MRTFA: variants seen among roughly 807,000 people sequenced by gnomAD.
The protein encoded by MRTFA is myocardin-related transcription factor A.
A neutral mutation model predicts 83.5 loss-of-function variants in MRTFA; 20 were observed. The observed-to-expected ratio is 0.24, with a 90% CI of 0.17 to 0.35. The LOEUF is 0.35. MRTFA is among the 10% of genes least tolerant of loss of function. MRTFA has a pLI of 1.00. For synonymous variants in MRTFA, 659 were observed against 541.2 expected (o/e 1.22, Z -3.02); for missense variants, 1,200 against 1,224.7 (o/e 0.98, Z 0.30).
chr22:40,461,964 T>A (rs957634795), intron 4 of MRTFA, among the ~76,000 whole-genome samples: 1 of 152,230 alleles, frequency 6.6e-6, no homozygotes, highest in South Asian at 2.1e-4. Context: ...CACCAACTTC[T>A]GGCCTGCACC....
intron 2 of MRTFA, among the ~76,000 whole-genome samples, chr22:40,560,785 A>T (rs2055602131): frequency 6.6e-6 from 1 of 152,092 alleles, no homozygotes; most frequent in Admixed American, 6.6e-5. Flanking sequence ...TGCTGGCCTG[A>T]TTATGCATCT....
rs182768714 is a variant in MRTFA, at chr22:40,456,023, C to T, written c.307+7198G>A. On this transcript the variant is annotated intron_variant, in intron 4 of 14. Transcript: ENST00000355630. ...TGTATTTTTAGTAGAGACTGGGTTT[C>T]GCCATGGTAACCAGGCTGGCCTCGG... Among the ~76,000 whole-genome samples, 12 of 152,054 alleles carry T rather than the reference C, an allele frequency of 7.9e-5. No homozygotes were observed. The East Asian group carries it at 1.9e-3, about 25-fold the overall frequency.
At chr22:40,470,184 A>G (rs1326749891) in intron 3 of MRTFA, among the ~76,000 whole-genome samples, 2 of 137,052 alleles carry the variant, frequency 1.5e-5, no homozygotes, top group African/African-American at 5.6e-5. Flanking sequence ...AGATTGTACC[A>G]CTGCATTCTA....
At chr22:40,511,492 C>T (rs2054667540) in intron 3 of MRTFA, among the ~76,000 whole-genome samples, 1 of 152,224 alleles carries the variant, frequency 6.6e-6, no homozygotes, top group African/African-American at 2.4e-5. Context: ...ACACGTATCA[C>T]ATGTGAATAC....
chr22:40,466,520 G>C (rs1283518022), intron 3 of MRTFA, among the ~76,000 whole-genome samples: 6 of 152,160 alleles, frequency 3.9e-5, no homozygotes, highest in South Asian at 2.1e-4. Context: ...AGAAAAAGGA[G>C]AGCCAAGCAG....
chr22:40,587,453 G>C, intron 2 of MRTFA: 1 of 343,076 alleles, frequency 2.9e-6, no homozygotes, highest in Non-Finnish European at 5.7e-6. Flanking sequence ...CATTTGCTGA[G>C]AGGCATAGCC....
chr22:40,449,612 AAAG>A (rs1469792830), intron 4 of MRTFA, among the ~76,000 whole-genome samples: 1 of 152,246 alleles, frequency 6.6e-6, no homozygotes, highest in African/African-American at 2.4e-5. Flanking sequence ...TAACAAAGGC[AAAG>A]AAGAGGTGAG....
chr22:40,417,630 G>A lies in MRTFA; in HGVS notation c.2365-137C>T, dbSNP rs574133587. ...GAAGATGGGAGGCACTGGCTTTTAG[G>A]GAGCTTTCATGAAAGCCACTAGGTA... On this transcript the variant is annotated intron_variant, in intron 12 of 14. Transcript: ENST00000355630. The A allele has an allele frequency of 2.4e-4, 157 of 655,510 alleles. No individual in the cohort carries two copies. The African/African-American group carries it at 2.8e-3, about 11-fold the overall frequency. 40.6% of individuals were successfully genotyped at this position (655,510 alleles called of 1,614,324 possible). A position where few individuals can be genotyped will look rare whatever the true frequency, so the allele number is the denominator to read the frequency against.
intron 2 of MRTFA, among the ~76,000 whole-genome samples, chr22:40,583,908 C>A (rs544358069): frequency 3.7e-4 from 56 of 152,278 alleles, no homozygotes; most frequent in Middle Eastern, 3.4e-3. Context: ...CAGAGCAGTT[C>A]ACAGAAAGTG....
intron 4 of MRTFA, among the ~76,000 whole-genome samples, chr22:40,452,220 G>A (rs1047525309): frequency 1.3e-5 from 2 of 151,976 alleles, no homozygotes; most frequent in African/African-American, 2.4e-5. Context: ...TGTTGACCTC[G>A]TGATCCACCT....
chr22:40,528,490 C>A (rs564838483), intron 3 of MRTFA, among the ~76,000 whole-genome samples: 109 of 152,204 alleles, frequency 7.2e-4, no homozygotes, highest in African/African-American at 2.6e-3. Context: ...GTAATCCCAG[C>A]ACTTTTGGAG....
chr22:40,498,822 C>T (rs1340170755), intron 3 of MRTFA, among the ~76,000 whole-genome samples: 1 of 152,160 alleles, frequency 6.6e-6, no homozygotes, highest in Non-Finnish European at 1.5e-5. Context: ...TAAATTTTAG[C>T]TCTTATCACC....
chr22:40,628,341 G>A (rs1459451326), intron 1 of MRTFA, among the ~76,000 whole-genome samples: 5 of 152,136 alleles, frequency 3.3e-5, no homozygotes, highest in Admixed American at 2.6e-4. Flanking sequence ...ATTTTACTCT[G>A]TCATATTATG....
At chr22:40,498,563 G>T (rs558920846) in intron 3 of MRTFA, among the ~76,000 whole-genome samples, 10 of 151,982 alleles carry the variant, frequency 6.6e-5, no homozygotes, top group African/African-American at 2.4e-4. Flanking sequence ...AAGATTATAA[G>T]CATGAGCCAC....
chr22:40,613,462 T>C (rs2056410599), intron 1 of MRTFA, among the ~76,000 whole-genome samples: 1 of 152,232 alleles, frequency 6.6e-6, no homozygotes, highest in Non-Finnish European at 1.5e-5. Flanking sequence ...GCAACAGGCC[T>C]GAACTACTGC....
intron 1 of MRTFA, among the ~76,000 whole-genome samples, chr22:40,629,001 GA>G (rs2056611230): frequency 6.6e-6 from 1 of 152,056 alleles, no homozygotes; most frequent in Non-Finnish European, 1.5e-5. Flanking sequence ...GTATTTTTAA[GA>G]ATTTTGGCCA....
At position 40,418,822 on chromosome 22, in the gene MRTFA, C is replaced by T. The variant is rs370664004; in HGVS notation, c.1916G>A (p.Arg639His). 161 of 1,610,208 alleles carry T rather than the reference C, an allele frequency of 1.0e-4. No individual in the cohort carries two copies. Among genetic ancestry groups the T allele is most frequent in the Admixed American group, 5.0e-4 (30 of 59,928 alleles). The change falls in exon 12 of 15, where the codon CGC (arginine) becomes CAC (histidine). Residue 639 changes from arginine (R) to histidine (H), a missense_variant. Arg to His is a conservative substitution (Grantham distance 29). Transcript: ENST00000355630. ...CAGCTGCTGCTTCTGCCGGAGCATG[C>T]GCGTCAGCGCCTCGATCTGCTTGTC...
At chr22:40,587,024 A>G (rs2056040858) in intron 2 of MRTFA, 1 of 477,788 alleles carries the variant, frequency 2.1e-6, no homozygotes. Context: ...TGGTCTTTGC[A>G]TATGGGTTTA....
chr22:40,538,950 A>T, intron 3 of MRTFA, among the ~76,000 whole-genome samples: 1 of 142,306 alleles, frequency 7.0e-6, no homozygotes, highest in African/African-American at 2.7e-5. Flanking sequence ...CTATTAATTC[A>T]CTCTAAAGGG....
Sources: gnomAD v4.1 joint callset for allele counts (sites outside exome capture counted in the v4.1 genomes callset) on GRCh38, gnomAD v4.1.1 for gene constraint, MANE v1.5 for transcripts, NCBI Gene and HGNC (gene_info 2026-07-23, HGNC 2026-07-21) for gene names.